The following JAKMIP2 variants were observed in gnomAD, a reference collection of about 807,000 sequenced individuals.
The protein encoded by JAKMIP2 is janus kinase and microtubule-interacting protein 2.
Under a neutral mutation model 115.0 loss-of-function variants are expected in JAKMIP2, and 25 were observed. That is an observed-to-expected ratio of 0.22 (90% confidence interval 0.16 to 0.30). JAKMIP2 has a LOEUF of 0.30. JAKMIP2 is among the 10% of genes least tolerant of loss of function. The probability of loss-of-function intolerance (pLI) is 1.00; values close to 1 mark genes in which losing one functional copy is unlikely to be tolerated. For synonymous variants in JAKMIP2, 334 were observed against 343.6 expected (o/e 0.97, Z 0.31); for missense variants, 642 against 957.6 (o/e 0.67, Z 4.35).
At chr5:147,715,545 A>T (rs1358760132) in intron 1 of JAKMIP2, among the ~76,000 whole-genome samples, 1 of 151,474 alleles carries the variant, frequency 6.6e-6, no homozygotes, top group African/African-American at 2.4e-5. Context: ...ATACTAGAAA[A>T]AAAAGATTTT....
chr5:147,670,496 A>C (rs902572065), intron 2 of JAKMIP2, among the ~76,000 whole-genome samples: 5 of 152,174 alleles, frequency 3.3e-5, no homozygotes, highest in African/African-American at 1.2e-4. Context: ...ACCCTCTCTG[A>C]TATTCATACC....
In JAKMIP2 at chr5:147,756,229, G is replaced by C. The variant is rs181639596; in HGVS notation, c.-149+26227C>G. 1.9e-4 allele frequency among the ~76,000 whole-genome samples: 29 copies of C among 152,252 alleles called. No homozygotes were observed. In the East Asian group the frequency reaches 3.9e-3, roughly 20 times the overall value. ...CATGTCGTGACTGAAGCATCAGAGAGAAGAATTCTATCAAAGACAACTTGT... is the reference window on the plus strand; with the variant it reads ...CATGTCGTGACTGAAGCATCAGAGACAAGAATTCTATCAAAGACAACTTGT... On this transcript the variant is annotated intron_variant, in intron 1 of 21. Coordinates refer to ENST00000616793, the MANE Select transcript of JAKMIP2 (RefSeq NM_001270941.2).
intron 7 of JAKMIP2, 37 bp downstream of exon 7, chr5:147,644,021 G>T: frequency 6.8e-7 from 1 of 1,467,848 alleles, no homozygotes; most frequent in South Asian, 1.6e-5. Context: ...CTTGTCCTTG[G>T]GAACAACTTA....
At chr5:147,706,609 T>C (rs1752569559) in intron 1 of JAKMIP2, among the ~76,000 whole-genome samples, 1 of 152,192 alleles carries the variant, frequency 6.6e-6, no homozygotes, top group Non-Finnish European at 1.5e-5. Context: ...ACTAGAAATC[T>C]TTGTATATTC....
At chr5:147,675,777 T>C (rs1324837430) in intron 1 of JAKMIP2, among the ~76,000 whole-genome samples, 1 of 136,460 alleles carries the variant, frequency 7.3e-6, no homozygotes, top group Non-Finnish European at 1.5e-5. Flanking sequence ...AGTGGAATCA[T>C]ATGACATTTT....
chr5:147,712,662 T>C (rs992954502), intron 1 of JAKMIP2, among the ~76,000 whole-genome samples: 2 of 152,110 alleles, frequency 1.3e-5, no homozygotes, highest in Non-Finnish European at 2.9e-5. Context: ...GGAGGGGATA[T>C]TTTAAAACTA....
At chr5:147,746,975 C>G (rs567919183) in intron 1 of JAKMIP2, among the ~76,000 whole-genome samples, 1 of 152,140 alleles carries the variant, frequency 6.6e-6, no homozygotes, top group Non-Finnish European at 1.5e-5. Flanking sequence ...GTGAATTTTT[C>G]TCCTAAATTC....
chr5:147,766,800 C>A (rs1580898672), intron 1 of JAKMIP2, among the ~76,000 whole-genome samples: 2 of 152,096 alleles, frequency 1.3e-5, no homozygotes, highest in Middle Eastern at 6.8e-3. Flanking sequence ...CCAACATGGC[C>A]TCTAAAAAGG....
intron 6 of JAKMIP2, among the ~76,000 whole-genome samples, chr5:147,644,413 T>C (rs989477387): frequency 6.6e-6 from 1 of 152,218 alleles, no homozygotes; most frequent in Non-Finnish European, 1.5e-5. Context: ...TATAGATGTA[T>C]TGAAAGTCTA....
At chr5:147,768,146 T>A (rs1755218854) in intron 1 of JAKMIP2, among the ~76,000 whole-genome samples, 1 of 152,196 alleles carries the variant, frequency 6.6e-6, no homozygotes, top group South Asian at 2.1e-4. Context: ...CCTTGATTGA[T>A]GTTCTTAAGT....
At chr5:147,624,407 A>T (rs56295956) in intron 16 of JAKMIP2, among the ~76,000 whole-genome samples, 35,821 of 152,022 alleles carry the variant, frequency 0.24, 5,489 homozygotes, top group East Asian at 0.46. Context: ...GGAAGGGACA[A>T]CATGTCCAAT....
chr5:147,660,485 T>C, intron 3 of JAKMIP2: 1 of 455,272 alleles, frequency 2.2e-6, no homozygotes, highest in Non-Finnish European at 4.4e-6. Flanking sequence ...CTCAAGATGT[T>C]CTCAGTAGCT....
At chr5:147,623,024 G>A (rs1756922529) in intron 17 of JAKMIP2, among the ~76,000 whole-genome samples, 2 of 152,068 alleles carry the variant, frequency 1.3e-5, no homozygotes, top group Admixed American at 6.6e-5. Flanking sequence ...GGGCTCAAAT[G>A]ATCCTCTTGC....
intron 1 of JAKMIP2, among the ~76,000 whole-genome samples, chr5:147,743,867 G>A (rs1000023369): frequency 1.3e-5 from 2 of 152,052 alleles, no homozygotes; most frequent in Admixed American, 6.5e-5. Context: ...CTCTGTGGAG[G>A]CTGGCATTTT....
intron 1 of JAKMIP2, among the ~76,000 whole-genome samples, chr5:147,691,001 A>G (rs1043336120): frequency 1.3e-5 from 2 of 151,986 alleles, no homozygotes; most frequent in Non-Finnish European, 1.5e-5. Context: ...CCTTTTCCTC[A>G]TGGGTTATCT....
rs1411250855 is a variant in JAKMIP2 at position 147,644,060 on chromosome 5, T to C, written c.1222A>G (p.Arg408Gly). The change falls in exon 7 of 22, where the codon AGG (arginine) becomes GGG (glycine). Residue 408 changes from arginine (R) to glycine (G), a missense_variant and splice_region_variant. Arg to Gly is a moderately radical substitution (Grantham distance 125). Transcript: ENST00000616793. ...EQQNIIDELT[R>G]DREKLIRRRK... The stretch of plus-strand genomic sequence containing the variant: ...TTTACAGATTGATTGACACGTACCC[T>C]TGTGAGCTCATCAATAATGTTCTGT... The C allele has an allele frequency of 6.3e-7, 1 of 1,585,272 alleles. No individual in the cohort carries two copies. The highest frequency in any genetic ancestry group is 8.6e-7 in the Non-Finnish European group (1 of 1,160,616).
At chr5:147,638,059 T>A (rs1327956746) in intron 10 of JAKMIP2, among the ~76,000 whole-genome samples, 2 of 152,196 alleles carry the variant, frequency 1.3e-5, no homozygotes, top group Non-Finnish European at 2.9e-5. Context: ...AAATAATTAA[T>A]TTTGCTAAGA....
intron 3 of JAKMIP2, among the ~76,000 whole-genome samples, chr5:147,651,815 A>T (rs923754975): frequency 8.5e-5 from 13 of 152,168 alleles, no homozygotes; most frequent in African/African-American, 3.1e-4. Flanking sequence ...TGTCCCGTTA[A>T]TTGGGAATAA....
rs202156706 is a variant in JAKMIP2 at position 147,778,727 on chromosome 5, TGTA to T, written c.-149+3726_-149+3728del. Among the ~76,000 whole-genome samples the T allele has an allele frequency of 8.0e-3, 1,224 of 152,168 alleles. 12 individuals carry two copies. The highest frequency in any genetic ancestry group is 0.028 in the African/African-American group (1,151 of 41,546). On this transcript the variant is annotated intron_variant, in intron 1 of 21. Transcript: ENST00000616793. ...GAAAAATGACAGAATCATAAAAACTTGTAATAATATAAGGTGAAGTGATGGTAC... is the reference window on the plus strand; with the variant it reads ...GAAAAATGACAGAATCATAAAAACTTATAATATAAGGTGAAGTGATGGTAC...
Sources: allele counts gnomAD v4.1 joint callset (sites outside exome capture counted in the v4.1 genomes callset), GRCh38; gene constraint gnomAD v4.1.1; transcripts MANE v1.5; gene names NCBI Gene and HGNC (gene_info 2026-07-23, HGNC 2026-07-21).